The following PDE4D variants were observed in gnomAD, a reference collection of about 807,000 sequenced individuals.
PDE4D encodes the protein 3',5'-cyclic-AMP phosphodiesterase 4D.
PDE4D carries 24 observed loss-of-function variants against 87.4 expected under a neutral mutation model. The observed-to-expected ratio is 0.27, with a 90% CI of 0.20 to 0.39. The LOEUF (loss-of-function observed/expected upper bound fraction) is 0.39, where lower values mean the gene tolerates loss of function less well. Among genes scored for constraint, PDE4D ranks in the 10% least tolerant of loss-of-function variants. PDE4D has a pLI of 1.00. For synonymous variants in PDE4D, 384 were observed against 383.2 expected (o/e 1.00, Z -0.02); for missense variants, 714 against 1,041.0 (o/e 0.69, Z 4.32).
At chr5:60,105,715 C>T (rs1423448668) in intron 2 of PDE4D, among the ~76,000 whole-genome samples, 1 of 152,100 alleles carries the variant, frequency 6.6e-6, no homozygotes, top group Non-Finnish European at 1.5e-5. Flanking sequence ...ATTCAACATT[C>T]TTAAAGAAAA....
chr5:60,034,944 T>C (rs896524461), intron 2 of PDE4D, among the ~76,000 whole-genome samples: 1 of 152,146 alleles, frequency 6.6e-6, no homozygotes, highest in African/African-American at 2.4e-5. Flanking sequence ...CATGGTAGCC[T>C]GGAAGATCAT....
At chr5:59,951,265 A>T (rs566572932) in intron 3 of PDE4D, among the ~76,000 whole-genome samples, 1 of 152,318 alleles carries the variant, frequency 6.6e-6, no homozygotes, top group South Asian at 2.1e-4. Flanking sequence ...TAATGTCAAT[A>T]AAAATACCTA....
intron 2 of PDE4D, among the ~76,000 whole-genome samples, chr5:60,178,436 GA>G (rs553307800): frequency 5.9e-4 from 89 of 150,302 alleles, no homozygotes; most frequent in African/African-American, 2.0e-3. Flanking sequence ...CACTTGCAAA[GA>G]AAAAAAAACA....
intron 1 of PDE4D, among the ~76,000 whole-genome samples, chr5:59,658,331 C>G (rs1744705616): frequency 6.6e-6 from 1 of 151,866 alleles, no homozygotes; most frequent in Non-Finnish European, 1.5e-5. Flanking sequence ...AATTAAAACC[C>G]TCAAGTCTGG....
At chr5:58,977,819 A>AAGTT (rs1380039225) in intron 11 of PDE4D, among the ~76,000 whole-genome samples, 1 of 152,210 alleles carries the variant, frequency 6.6e-6, no homozygotes, top group African/African-American at 2.4e-5. Context: ...TCATATGAAC[A>AAGTT]AGTTTAGATT....
intron 2 of PDE4D, among the ~76,000 whole-genome samples, chr5:59,202,224 T>C (rs895831103): frequency 3.3e-5 from 5 of 151,974 alleles, no homozygotes; most frequent in Non-Finnish European, 5.9e-5. Context: ...GTATTTTTAG[T>C]AGAGACAGGA....
chr5:59,328,830 T>C (rs1194144752), intron 1 of PDE4D, among the ~76,000 whole-genome samples: 3 of 152,228 alleles, frequency 2.0e-5, no homozygotes, highest in Admixed American at 6.5e-5. Context: ...ATCAAGTCAA[T>C]TGAATACGTG....
intron 1 of PDE4D, among the ~76,000 whole-genome samples, chr5:60,273,811 C>G (rs964238108): frequency 8.6e-5 from 13 of 152,026 alleles, no homozygotes; most frequent in Non-Finnish European, 1.8e-4. Flanking sequence ...AAGATGAGTT[C>G]TAGTCTGGGC....
Position 60,474,141 on chromosome 5 carries a change from T to TAAC in PDE4D, c.-90+13800_-90+13801insGTT, listed in dbSNP as rs1389039844. The stretch of plus-strand genomic sequence containing the variant: ...ATATATATATATATATATATATATA[T>TAAC]ATATATATAACAAAAACCTTAGACT... On this transcript the variant is annotated intron_variant, in intron 1 of 16. Coordinates refer to the PDE4D transcript ENST00000502484. Among the ~76,000 whole-genome samples the TAAC allele has an allele frequency of 4.1e-5, 4 of 97,360 alleles. 1 individual carries two copies. The highest frequency in any genetic ancestry group is 2.0e-4 in the African/African-American group (3 of 15,086). 63.9% of individuals were successfully genotyped at this position (97,360 alleles called of 152,430 possible).
rs1797020398 is a variant in PDE4D, at chr5:59,437,950, T to C, written c.456-221982A>G. ...ACTTACAATCATGGCAGAAGGCACCTCTTCACAGGGTGGCAGGAGAGAGAA... is the reference window on the plus strand; with the variant it reads ...ACTTACAATCATGGCAGAAGGCACCCCTTCACAGGGTGGCAGGAGAGAGAA... On this transcript the variant is annotated intron_variant, in intron 1 of 14. Transcript: ENST00000340635. Among the ~76,000 whole-genome samples the C allele has an allele frequency of 2.0e-5, 3 of 152,262 alleles. No individual in the cohort carries two copies. In the South Asian group the frequency reaches 6.2e-4, roughly 32 times the overall value.
intron 1 of PDE4D, among the ~76,000 whole-genome samples, chr5:60,248,179 A>G (rs1748018875): frequency 6.6e-6 from 1 of 151,952 alleles, no homozygotes; most frequent in Admixed American, 6.6e-5. Context: ...TCTCTTTTTA[A>G]GTGCTATTTG....
At chr5:60,139,209 T>C (rs999071006) in intron 2 of PDE4D, among the ~76,000 whole-genome samples, 1 of 152,134 alleles carries the variant, frequency 6.6e-6, no homozygotes, top group Admixed American at 6.6e-5. Context: ...CCAAAGCGGT[T>C]CCTAAATAGA....
At chr5:60,232,558 A>G (rs1745942066) in intron 1 of PDE4D, among the ~76,000 whole-genome samples, 1 of 151,852 alleles carries the variant, frequency 6.6e-6, no homozygotes, top group South Asian at 2.1e-4. Context: ...GATCCTATGC[A>G]CTGAACTACT....
chr5:60,340,607 T>TAAAAAAAAAAAAAAAAAAAA (rs10583972), intron 1 of PDE4D, among the ~76,000 whole-genome samples: 1 of 138,548 alleles, frequency 7.2e-6, no homozygotes, highest in Non-Finnish European at 1.6e-5. Flanking sequence ...TCACATCATT[T>TAAAAAAAAAAAAAAAAAAAA]AAAAAAAAAA....
At chr5:59,076,364 T>C (rs778219183) in intron 5 of PDE4D, among the ~76,000 whole-genome samples, 4 of 152,170 alleles carry the variant, frequency 2.6e-5, no homozygotes, top group Non-Finnish European at 5.9e-5. Flanking sequence ...TTGTACTTTG[T>C]ATGAACAATT....
At chr5:58,979,786 C>CCATTTAGCATG (rs1744660676) in intron 11 of PDE4D, among the ~76,000 whole-genome samples, 1 of 152,180 alleles carries the variant, frequency 6.6e-6, no homozygotes, top group African/African-American at 2.4e-5. Context: ...TTTGTACCAC[C>CCATTTAGCATG]CATTTAGCAT....
At chr5:60,108,381 C>T (rs906375420) in intron 2 of PDE4D, among the ~76,000 whole-genome samples, 7 of 152,224 alleles carry the variant, frequency 4.6e-5, no homozygotes, top group South Asian at 2.1e-4. Flanking sequence ...AATGGAAGAA[C>T]ATTCCATGTT....
At chr5:59,181,573 A>ATAT (rs1162609708) in intron 4 of PDE4D, among the ~76,000 whole-genome samples, 10 of 85,188 alleles carry the variant, frequency 1.2e-4, no homozygotes, top group Non-Finnish European at 2.0e-4. Flanking sequence ...TATATATATT[A>ATAT]GGTATATAAT....
chr5:59,300,820 G>A (rs556395923), intron 1 of PDE4D, among the ~76,000 whole-genome samples: 2 of 152,254 alleles, frequency 1.3e-5, no homozygotes, highest in Admixed American at 1.3e-4. Context: ...AGTCACAAGT[G>A]TGGGCCTCTG....
Sources: allele counts gnomAD v4.1 joint callset (sites outside exome capture counted in the v4.1 genomes callset), GRCh38; gene constraint gnomAD v4.1.1; transcripts MANE v1.5; gene names NCBI Gene and HGNC (gene_info 2026-07-23, HGNC 2026-07-21).